GRIP1: variants seen among roughly 807,000 people sequenced by gnomAD.
GRIP1 encodes the protein glutamate receptor interacting protein 1.
In GRIP1, 45 loss-of-function variants were observed where a neutral mutation model predicts 129.9. That is an observed-to-expected ratio of 0.35 (90% confidence interval 0.27 to 0.44). The LOEUF is 0.44. Among genes scored for constraint, GRIP1 ranks in the 20% least tolerant of loss-of-function variants. GRIP1 has a pLI of 1.00. For synonymous variants in GRIP1, 530 were observed against 520.8 expected (o/e 1.02, Z -0.24); for missense variants, 1,196 against 1,396.8 (o/e 0.86, Z 2.29).
At chr12:66,830,222 G>T (rs771566881) in intron 1 of GRIP1, among the ~76,000 whole-genome samples, 92 of 152,076 alleles carry the variant, frequency 6.0e-4, no homozygotes, top group Non-Finnish European at 5.0e-4. Context: ...CCACTGCCCC[G>T]CGATGCCCAG....
chr12:66,736,609 A>G (rs1264545312), intron 1 of GRIP1, among the ~76,000 whole-genome samples: 3 of 151,930 alleles, frequency 2.0e-5, no homozygotes, highest in East Asian at 3.9e-4. Context: ...GAGGAAAAGA[A>G]GGGGTTGATG....
intron 1 of GRIP1, among the ~76,000 whole-genome samples, chr12:66,616,303 ATAAC>A (rs1461414335): frequency 6.6e-6 from 1 of 152,118 alleles, no homozygotes; most frequent in Non-Finnish European, 1.5e-5. Flanking sequence ...AAATGACAAA[ATAAC>A]TAAAACATTT....
chr12:66,634,541 G>C (rs1186269504), intron 1 of GRIP1, among the ~76,000 whole-genome samples: 1 of 152,180 alleles, frequency 6.6e-6, no homozygotes, highest in Non-Finnish European at 1.5e-5. Flanking sequence ...CTGAGACACA[G>C]AGTTAAGAAT....
intron 15 of GRIP1, 88 bp from the exon 16 acceptor site, chr12:66,406,516 G>T: frequency 7.9e-7 from 1 of 1,273,076 alleles, no homozygotes; most frequent in Non-Finnish European, 1.1e-6. Context: ...GCAGCATTAT[G>T]GTAGTCTTTA....
At chr12:66,885,837 T>C (rs796121602) in intron 1 of GRIP1, among the ~76,000 whole-genome samples, 19 of 152,256 alleles carry the variant, frequency 1.2e-4, no homozygotes, top group African/African-American at 4.6e-4. Flanking sequence ...CTTGTTACCT[T>C]GAATGGGCAA....
intron 1 of GRIP1, among the ~76,000 whole-genome samples, chr12:66,666,829 C>T (rs563593933): frequency 6.6e-6 from 1 of 151,238 alleles, no homozygotes; most frequent in South Asian, 2.1e-4. Context: ...TATGCTCACC[C>T]TTGATAGACA....
chr12:66,738,230 T>C (rs2036671978), intron 1 of GRIP1, among the ~76,000 whole-genome samples: 2 of 151,212 alleles, frequency 1.3e-5, no homozygotes, highest in African/African-American at 4.9e-5. Context: ...TTTTTTTTCT[T>C]TTTTTTTGAG....
chr12:66,357,056 T>C (rs534753911), intron 23 of GRIP1, among the ~76,000 whole-genome samples: 30 of 152,256 alleles, frequency 2.0e-4, no homozygotes, highest in African/African-American at 6.5e-4. Context: ...TTTCTATTTT[T>C]AATAGAGACA....
chr12:66,397,886 T>C (rs1391259557), intron 16 of GRIP1, among the ~76,000 whole-genome samples: 1 of 152,234 alleles, frequency 6.6e-6, no homozygotes, highest in African/African-American at 2.4e-5. Flanking sequence ...AACAAGCCTT[T>C]GAAAAAGAAA....
intron 1 of GRIP1, among the ~76,000 whole-genome samples, chr12:66,620,784 TC>T (rs1263378608): frequency 6.9e-6 from 1 of 144,300 alleles, no homozygotes; most frequent in Non-Finnish European, 1.5e-5. Context: ...CCCCAACCCC[TC>T]CCCCCCAGAC....
At chr12:66,760,907 C>G (rs569083785) in intron 1 of GRIP1, among the ~76,000 whole-genome samples, 1 of 151,398 alleles carries the variant, frequency 6.6e-6, no homozygotes, top group East Asian at 2.0e-4. Flanking sequence ...TTAAAATGAC[C>G]CAGTGTGTCA....
chr12:66,751,303 G>T (rs933975057), intron 1 of GRIP1, among the ~76,000 whole-genome samples: 2 of 152,158 alleles, frequency 1.3e-5, no homozygotes, highest in Admixed American at 6.6e-5. Flanking sequence ...GACAGATAGA[G>T]GAGTTCGGTG....
intron 1 of GRIP1, among the ~76,000 whole-genome samples, chr12:66,629,985 C>A (rs1262684321): frequency 3.3e-5 from 5 of 151,430 alleles, no homozygotes; most frequent in Non-Finnish European, 7.4e-5. Context: ...CCTTTACACA[C>A]TTTTTTTTTA....
intron 1 of GRIP1, among the ~76,000 whole-genome samples, chr12:66,707,166 CCCTTCTACTCTGTAA>C (rs2035558962): frequency 6.6e-6 from 1 of 151,750 alleles, no homozygotes; most frequent in Non-Finnish European, 1.5e-5. Flanking sequence ...GTTATGTTCA[CCCTTCTACTCTGTAA>C]CCTTCTACTC....
chr12:66,696,804 CAAAAAAAAAA>C (rs35445606), intron 1 of GRIP1, among the ~76,000 whole-genome samples: 7 of 103,714 alleles, frequency 6.7e-5, no homozygotes, highest in South Asian at 5.6e-4. Context: ...GACTCTGTCT[CAAAAAAAAAA>C]AAAAAAAAAA....
At chr12:66,455,123 G>A (rs2058919006) in intron 11 of GRIP1, among the ~76,000 whole-genome samples, 2 of 152,184 alleles carry the variant, frequency 1.3e-5, no homozygotes, top group Non-Finnish European at 2.9e-5. Context: ...CTTTGGGTAT[G>A]TTATGACATC....
rs529474121 is a variant in GRIP1, at chr12:66,443,206, T to A, written c.1687+1378A>T. On this transcript the variant is annotated intron_variant, in intron 13 of 24. Coordinates refer to ENST00000359742, the MANE Select transcript of GRIP1 (RefSeq NM_001366722.1). ...TGGCTCCCTGGAGCCCTCTTCTTGATTATGCCTTGTTTTTGGGCTGGGAGC... is the reference window on the plus strand; with the variant it reads ...TGGCTCCCTGGAGCCCTCTTCTTGAATATGCCTTGTTTTTGGGCTGGGAGC... Among the ~76,000 whole-genome samples, 521 of 152,322 alleles carry A rather than the reference T, an allele frequency of 3.4e-3. 6 individuals are homozygous for A. Among genetic ancestry groups the A allele is most frequent in the African/African-American group, 0.012 (481 of 41,582 alleles).
At chr12:66,983,924 C>T (rs897366183) in intron 1 of GRIP1, among the ~76,000 whole-genome samples, 14 of 152,276 alleles carry the variant, frequency 9.2e-5, no homozygotes, top group African/African-American at 3.1e-4. Flanking sequence ...AGCACCTCTT[C>T]CCACCAAGGG....
intron 1 of GRIP1, among the ~76,000 whole-genome samples, chr12:66,905,490 T>C (rs2040916372): frequency 6.6e-6 from 1 of 152,242 alleles, no homozygotes; most frequent in East Asian, 1.9e-4. Flanking sequence ...CTTAACTCTG[T>C]TGTTAGGAAT....
Sources: gnomAD v4.1 joint callset for allele counts (sites outside exome capture counted in the v4.1 genomes callset) on GRCh38, gnomAD v4.1.1 for gene constraint, MANE v1.5 for transcripts, NCBI Gene and HGNC (gene_info 2026-07-23, HGNC 2026-07-21) for gene names.